The following TECPR2 variants were observed in gnomAD, a reference collection of about 807,000 sequenced individuals.
TECPR2 encodes tectonin beta-propeller repeat-containing protein 2.
In TECPR2, 65 loss-of-function variants were observed where a neutral mutation model predicts 138.1. The observed-to-expected ratio is 0.47, with a 90% CI of 0.39 to 0.58. TECPR2 has a LOEUF of 0.58. Among genes scored for constraint, TECPR2 ranks in the 20% least tolerant of loss-of-function variants. The probability of loss-of-function intolerance (pLI) is 0.00; values close to 1 mark genes in which losing one functional copy is unlikely to be tolerated. For synonymous variants in TECPR2, 746 were observed against 749.8 expected, an observed-to-expected ratio of 0.99 and a Z score of 0.08; for missense variants, 1,553 against 1,824.5, an observed-to-expected ratio of 0.85 and a Z score of 2.71.
In TECPR2 at chr14:102,499,302, A is replaced by G. The variant is rs1891383460; in HGVS notation, c.*1045A>G. The G allele has an allele frequency of 3.2e-6, 2 of 620,762 alleles. No individual in the cohort carries two copies. Among genetic ancestry groups the G allele is most frequent in the Non-Finnish European group, 5.9e-6 (2 of 341,652 alleles). 38.5% of individuals were successfully genotyped at this position (620,762 alleles called of 1,614,324 possible). A position where few individuals can be genotyped will look rare whatever the true frequency, so the allele number is the denominator to read the frequency against. ...AAACCAGATGCATCCTCAGAGGACG[A>G]GTCTACTAATTATTGCCTTTGTTGT... is the stretch of plus-strand genomic sequence containing the variant. On this transcript the variant is annotated 3_prime_UTR_variant, in exon 20 of 20. Coordinates refer to ENST00000359520, the MANE Select transcript of TECPR2 (RefSeq NM_014844.5).
intron 7 of TECPR2, 28 bp from the exon 8 acceptor site, chr14:102,431,768 G>A (rs1257922939): frequency 2.0e-6 from 3 of 1,520,030 alleles, no homozygotes; most frequent in Non-Finnish European, 1.8e-6. Context: ...TGGATCACCA[G>A]TGGTAAAACC....
Position 102,419,347 on chromosome 14 carries a change from T to G in TECPR2, c.638+4554T>G, listed in dbSNP as rs1010745261. 4.0e-5 allele frequency among the ~76,000 whole-genome samples: 6 copies of G among 151,278 alleles called. No homozygotes were observed. Among genetic ancestry groups the G allele is most frequent in the African/African-American group, 1.5e-4 (6 of 41,070 alleles). On this transcript the variant is annotated intron_variant, in intron 5 of 19. Transcript: ENST00000359520. The surrounding 1 kb of genome is among the most constrained non-coding windows in gnomAD (Gnocchi z 4.8). ...GAGTATGGAGAGCTTTTAGGAGGAG[T>G]GTTTTTGTAGAAGAGAACAAAGAAA... is the stretch of plus-strand genomic sequence containing the variant.
intron 10 of TECPR2, 160 bp downstream of exon 10, chr14:102,438,365 G>A (rs1268040467): frequency 5.9e-6 from 5 of 852,136 alleles, no homozygotes; most frequent in Non-Finnish European, 8.6e-6. Context: ...AACGTTTGAG[G>A]GGTTGTCTCC....
Position 102,443,826 on chromosome 14 carries a change from A to G in TECPR2, c.2932A>G (p.Ser978Gly). ...EGEQWKCDIV[S>G]ERQALEPVCI... ...CGAGCAGTGGAAGTGTGACATTGTC[A>G]GGTACTGGCGGGCCAGAGACTCCTT... is the stretch of plus-strand genomic sequence containing the variant. The change falls in exon 12 of 20, where the codon AGC (serine) becomes GGC (glycine). Residue 978 changes from serine (S) to glycine (G), a missense_variant and splice_region_variant. Physicochemically the swap from Ser to Gly is moderately conservative, Grantham distance 56 (BLOSUM62 0). Transcript: ENST00000359520. This position sits in a 1 kb window ranked among gnomAD's most constrained non-coding sequence, Gnocchi z 4.9. The G allele has an allele frequency of 6.3e-7, 1 of 1,578,946 alleles. No individual in the cohort carries two copies. The highest frequency in any genetic ancestry group is 1.7e-5 in the Admixed American group (1 of 57,600).
intron 17 of TECPR2, among the ~76,000 whole-genome samples, chr14:102,491,039 C>T (rs548924763): frequency 2.0e-5 from 3 of 152,228 alleles, no homozygotes; most frequent in East Asian, 1.9e-4. Flanking sequence ...GAATTACAGG[C>T]GCATGCCACC....
At chr14:102,390,386 C>T (rs1376706276) in intron 2 of TECPR2, among the ~76,000 whole-genome samples, 1 of 151,896 alleles carries the variant, frequency 6.6e-6, no homozygotes, top group Non-Finnish European at 1.5e-5. Flanking sequence ...CAATAAATGC[C>T]TCCTGGGAAG....
At chr14:102,393,735 C>T (rs112723680) in intron 2 of TECPR2, among the ~76,000 whole-genome samples, 2 of 152,020 alleles carry the variant, frequency 1.3e-5, no homozygotes, top group Non-Finnish European at 2.9e-5. Context: ...AATTTTTGTA[C>T]TTTTAGTAGA....
chr14:102,477,870 A>C (rs1387068596), intron 17 of TECPR2, among the ~76,000 whole-genome samples: 2 of 135,352 alleles, frequency 1.5e-5, no homozygotes, highest in East Asian at 4.7e-4. Flanking sequence ...AGGAGGCGGA[A>C]CTTGCAGTGA....
intron 5 of TECPR2, among the ~76,000 whole-genome samples, chr14:102,423,296 G>A (rs187191899): frequency 1.1e-3 from 164 of 152,200 alleles, no homozygotes; most frequent in Non-Finnish European, 2.0e-3. Flanking sequence ...GCTGGGCATG[G>A]CGGTGCACAC....
At chr14:102,485,537 G>A (rs150715738) in intron 17 of TECPR2, among the ~76,000 whole-genome samples, 1 of 152,178 alleles carries the variant, frequency 6.6e-6, no homozygotes, top group Non-Finnish European at 1.5e-5. Context: ...ATACCTAGAA[G>A]TAGACCACAG....
intron 2 of TECPR2, among the ~76,000 whole-genome samples, chr14:102,403,929 G>C (rs1454634838): frequency 1.3e-5 from 2 of 152,134 alleles, no homozygotes; most frequent in Non-Finnish European, 2.9e-5. Flanking sequence ...ACAGGGTCTT[G>C]CTCTGTCACC....
intron 2 of TECPR2, among the ~76,000 whole-genome samples, chr14:102,381,310 C>T (rs1887810559): frequency 6.6e-6 from 1 of 152,192 alleles, no homozygotes; most frequent in South Asian, 2.1e-4. Context: ...TGGTGGCTCA[C>T]ACCTGTAATT....
rs918986039 is a variant in TECPR2 at position 102,420,474 on chromosome 14, G to A, written c.639-4505G>A. On this transcript the variant is annotated intron_variant, in intron 5 of 19. Coordinates refer to ENST00000359520, the MANE Select transcript of TECPR2 (RefSeq NM_014844.5). The surrounding 1 kb of genome is among the most constrained non-coding windows in gnomAD (Gnocchi z 4.1). ...ACCAACCCACTCATCAGACATTTCC[G>A]TTCTTTTTATTTTTTAGAGACAGGG... 1.1e-4 allele frequency among the ~76,000 whole-genome samples: 17 copies of A among 152,122 alleles called. No homozygotes were observed. Among genetic ancestry groups the A allele is most frequent in the Middle Eastern group, 3.4e-3 (1 of 294 alleles).
At chr14:102,498,028 A>AGCTCCCAGCTCCATCTGTGCCCAG in intron 19 of TECPR2, 75 bp from the exon 20 acceptor site, 3 of 1,558,670 alleles carry the variant, frequency 1.9e-6, no homozygotes, top group Non-Finnish European at 1.7e-6. Context: ...CCTGCGCCCA[A>AGCTCCCAGCTCCATCTGTGCCCAG]GCTCCCAGCT....
chr14:102,451,605 G>T (rs753069135), intron 15 of TECPR2, among the ~76,000 whole-genome samples: 1 of 152,066 alleles, frequency 6.6e-6, no homozygotes. Context: ...GCACTTCACC[G>T]GGGAGCGCCT....
chr14:102,425,605 T>C (rs922043415), intron 6 of TECPR2, among the ~76,000 whole-genome samples: 2 of 152,100 alleles, frequency 1.3e-5, no homozygotes, highest in Non-Finnish European at 2.9e-5. Context: ...AGAAAGAGTC[T>C]CGCTCTGTCA....
intron 9 of TECPR2, 59 bp downstream of exon 9, chr14:102,435,270 T>C: frequency 6.6e-7 from 1 of 1,510,146 alleles, no homozygotes; most frequent in Non-Finnish European, 8.8e-7. Context: ...GGGTAATAAT[T>C]GTCAAGACTG....
chr14:102,491,948 G>A (rs12100617), intron 17 of TECPR2, among the ~76,000 whole-genome samples: 10,859 of 152,252 alleles, frequency 0.071, 637 homozygotes, highest in African/African-American at 0.17. Flanking sequence ...CCTCCAATTA[G>A]AGGTGTCCAG....
chr14:102,489,959 GGCACT>G (rs1891118716), intron 17 of TECPR2, among the ~76,000 whole-genome samples: 1 of 151,942 alleles, frequency 6.6e-6, no homozygotes, highest in Admixed American at 6.6e-5. Flanking sequence ...CTTTAGTGGA[GGCACT>G]TACATCAGTG....
Sources: gnomAD v4.1 joint callset for allele counts (sites outside exome capture counted in the v4.1 genomes callset) on GRCh38, gnomAD v4.1.1 for gene constraint, Gnocchi (gnomAD v3.1) non-coding constraint, MANE v1.5 for transcripts, NCBI Gene and HGNC (gene_info 2026-07-23, HGNC 2026-07-21) for gene names.